IRAK1BP1: variants seen among roughly 807,000 people sequenced by gnomAD.
The protein encoded by IRAK1BP1 is interleukin-1 receptor-associated kinase 1-binding protein 1.
IRAK1BP1 carries 24 observed loss-of-function variants against 28.0 expected under a neutral mutation model. The ratio of observed to expected loss-of-function variants is 0.86; its 90% CI spans 0.62 to 1.20. The LOEUF (loss-of-function observed/expected upper bound fraction) is 1.20. IRAK1BP1 is among the 50% of genes most tolerant of loss of function. IRAK1BP1 has a pLI of 0.00. For synonymous variants in IRAK1BP1, 131 were observed against 116.3 expected, an observed-to-expected ratio of 1.13 and a Z score of -0.81; for missense variants, 336 against 316.7, an observed-to-expected ratio of 1.06 and a Z score of -0.46.
At chr6:78,944,582 T>C (rs1773700270) in intron 4 of IRAK1BP1, among the ~76,000 whole-genome samples, 1 of 152,200 alleles carries the variant, frequency 6.6e-6, no homozygotes, top group African/African-American at 2.4e-5. Flanking sequence ...ACAGATTCAG[T>C]TGCTGAAGAG....
intron 1 of IRAK1BP1, among the ~76,000 whole-genome samples, chr6:78,883,173 A>G (rs1371512155): frequency 6.6e-6 from 1 of 152,098 alleles, no homozygotes; most frequent in Non-Finnish European, 1.5e-5. Flanking sequence ...AGGCAGAAAG[A>G]TTGCTTGAGC....
intron 4 of IRAK1BP1, among the ~76,000 whole-genome samples, chr6:78,941,533 C>T (rs183384093): frequency 2.0e-5 from 3 of 152,064 alleles, no homozygotes; most frequent in Non-Finnish European, 2.9e-5. Context: ...AGATTCTTAA[C>T]GATCTCATGA....
the IRAK1BP1 span, chr6:78,978,554 T>C: frequency 1.3e-6 from 2 of 1,528,134 alleles, no homozygotes; most frequent in Non-Finnish European, 1.8e-6. Flanking sequence ...TTTAAAACTA[T>C]GTGAGGAAAA....
chr6:78,893,720 T>G lies in IRAK1BP1; in HGVS notation c.382-4109T>G, dbSNP rs561018792. On this transcript the variant is annotated intron_variant, in intron 2 of 3. Transcript: ENST00000369940. Reference sequence around the variant, plus strand: ...CAGTTCAAAACCAGCCTGGCCAACATGGCGAAACCCTGTCTCTACTAAAAA... The same window carrying G: ...CAGTTCAAAACCAGCCTGGCCAACAGGGCGAAACCCTGTCTCTACTAAAAA... Among the ~76,000 whole-genome samples the G allele has an allele frequency of 6.6e-5, 10 of 152,142 alleles. No individual in the cohort carries two copies. In the South Asian group the frequency reaches 2.1e-3, roughly 32 times the overall value.
At chr6:78,873,710 A>G (rs1244354497) in intron 1 of IRAK1BP1, among the ~76,000 whole-genome samples, 6 of 152,120 alleles carry the variant, frequency 3.9e-5, no homozygotes, top group Non-Finnish European at 8.8e-5. Context: ...GCCTCAAGCA[A>G]TCCTCTCACC....
In IRAK1BP1 at chr6:78,900,908, C is replaced by A. The variant is rs1276181747; in HGVS notation, c.*2574C>A. 3 of 152,212 alleles carry A rather than the reference C, an allele frequency of 2.0e-5. No homozygotes were observed. In the East Asian group the frequency reaches 5.8e-4, roughly 29 times the overall value. The allele number at this position is 152,212 out of a possible 1,614,324, so 9.4% of individuals were successfully genotyped here. A position where few individuals can be genotyped will look rare whatever the true frequency, so the allele number is the denominator to read the frequency against. ...CAATTAAAAGTTGGCTTTTCCAAAT[C>A]CTCCATTAGGAAGAATTTTTAAATA... On this transcript the variant is annotated 3_prime_UTR_variant, in exon 4 of 4. Transcript: ENST00000369940.
At chr6:78,914,278 T>A (rs1347421235) in intron 4 of IRAK1BP1, among the ~76,000 whole-genome samples, 1 of 152,228 alleles carries the variant, frequency 6.6e-6, no homozygotes, top group Non-Finnish European at 1.5e-5. Flanking sequence ...AAGATTAACT[T>A]TTTAAAACAT....
chr6:78,870,807 G>A lies in IRAK1BP1; in HGVS notation c.315+2916G>A, dbSNP rs569846781. Among the ~76,000 whole-genome samples the A allele has an allele frequency of 2.0e-5, 3 of 152,122 alleles. No homozygotes were observed. The South Asian group carries it at 6.2e-4, about 32-fold the overall frequency. The stretch of plus-strand genomic sequence containing the variant: ...GCTCACTGCAACCTCCGCCTCCCAG[G>A]TTCAAGCAATTCTCCTGCCTCAGCC... On this transcript the variant is annotated intron_variant, in intron 1 of 3. Transcript: ENST00000369940.
chr6:78,915,782 C>A (rs1230312159), intron 4 of IRAK1BP1, among the ~76,000 whole-genome samples: 2 of 152,172 alleles, frequency 1.3e-5, no homozygotes, highest in Non-Finnish European at 2.9e-5. Context: ...CTTTTGTAGG[C>A]ATTTCTTTTA....
At chr6:78,871,506 C>T (rs151060163) in intron 1 of IRAK1BP1, 23 of 985,304 alleles carry the variant, frequency 2.3e-5, no homozygotes, top group East Asian at 1.1e-4. Flanking sequence ...GAACAGCAGA[C>T]GAGAACTTAC....
the IRAK1BP1 span, among the ~76,000 whole-genome samples, chr6:78,967,933 G>C: frequency 6.6e-6 from 1 of 151,906 alleles, no homozygotes. Flanking sequence ...AGGAGATCAA[G>C]ACCATCCTGG....
At chr6:78,963,656 A>C in the IRAK1BP1 span, among the ~76,000 whole-genome samples, 1 of 152,184 alleles carries the variant, frequency 6.6e-6, no homozygotes, top group Non-Finnish European at 1.5e-5. Flanking sequence ...TCAAAGCTTC[A>C]ATTTTTGAAT....
intron 4 of IRAK1BP1, among the ~76,000 whole-genome samples, chr6:78,930,362 TAC>T (rs1178767790): frequency 6.6e-6 from 1 of 152,210 alleles, no homozygotes; most frequent in East Asian, 1.9e-4. Flanking sequence ...TAAGTATATA[TAC>T]AGTTGTTTCT....
chr6:78,921,030 C>T (rs1772709356), intron 4 of IRAK1BP1, among the ~76,000 whole-genome samples: 1 of 152,160 alleles, frequency 6.6e-6, no homozygotes, highest in African/African-American at 2.4e-5. Flanking sequence ...TCTGCATTTC[C>T]AACTGAGGTA....
At chr6:78,934,938 A>C (rs540347774) in intron 4 of IRAK1BP1, among the ~76,000 whole-genome samples, 2 of 152,328 alleles carry the variant, frequency 1.3e-5, no homozygotes, top group African/African-American at 2.4e-5. Flanking sequence ...CCCAAAGACT[A>C]ATCAGTAAGT....
At position 78,873,583 on chromosome 6, in the gene IRAK1BP1, A is replaced by G. The variant is rs187366717; in HGVS notation, c.315+5692A>G. Among the ~76,000 whole-genome samples, 446 of 152,044 alleles carry G rather than the reference A, an allele frequency of 2.9e-3. 2 individuals carry two copies. Among genetic ancestry groups the G allele is most frequent in the Non-Finnish European group, 4.8e-3 (327 of 67,976 alleles). ...AGCCTAAAACTCCGGGGCTCAAGCT[A>G]TCCTCCCACCTCAGCCTCCCAAATA... On this transcript the variant is annotated intron_variant, in intron 1 of 3. Coordinates refer to ENST00000369940, the MANE Select transcript of IRAK1BP1 (RefSeq NM_001010844.4).
chr6:78,973,778 A>G, the IRAK1BP1 span, among the ~76,000 whole-genome samples: 895 of 152,114 alleles, frequency 5.9e-3, 4 homozygotes, highest in African/African-American at 0.02. Flanking sequence ...AGAGACAAAG[A>G]AGGCCATTAC....
chr6:78,945,200 A>G, intron 4 of IRAK1BP1: 1 of 872,612 alleles, frequency 1.1e-6, no homozygotes, highest in Non-Finnish European at 1.9e-6. Context: ...GTGACTTTTA[A>G]GTGGGCAACC....
intron 4 of IRAK1BP1, chr6:78,936,990 C>T (rs1773294752): frequency 1.3e-5 from 2 of 151,750 alleles, no homozygotes; most frequent in Non-Finnish European, 1.5e-5. Flanking sequence ...TGTAACAAAA[C>T]CACTGCTCAA....
Sources: allele counts gnomAD v4.1 joint callset (sites outside exome capture counted in the v4.1 genomes callset), GRCh38; gene constraint gnomAD v4.1.1; transcripts MANE v1.5; gene names NCBI Gene and HGNC (gene_info 2026-07-23, HGNC 2026-07-21).